AKAP13: variants seen among roughly 807,000 people sequenced by gnomAD.
AKAP13 encodes the protein A-kinase anchor protein 13.
A neutral mutation model predicts 264.5 loss-of-function variants in AKAP13; 80 were observed. The observed-to-expected ratio is 0.30, with a 90% CI of 0.25 to 0.36. The LOEUF (loss-of-function observed/expected upper bound fraction) is 0.36, where lower values mean the gene tolerates loss of function less well. Ranked by LOEUF, AKAP13 falls within the 10% of genes least tolerant of loss-of-function variation. The pLI, the probability that AKAP13 is intolerant of heterozygous loss-of-function variation, is 1.00. For synonymous variants in AKAP13, 1,380 were observed against 1,250.2 expected, an observed-to-expected ratio of 1.10 and a Z score of -2.19; for missense variants, 3,712 against 3,435.2, an observed-to-expected ratio of 1.08 and a Z score of -2.01.
intron 35 of AKAP13, among the ~76,000 whole-genome samples, chr15:85,741,873 C>T (rs564407624): frequency 2.6e-5 from 4 of 152,164 alleles, no homozygotes; most frequent in South Asian, 4.1e-4. Context: ...GGCGAAACGG[C>T]GTCTCTACTA....
Position 85,579,943 on chromosome 15 carries a change from GGAA to G in AKAP13, c.1881_1883del (p.Glu627del). 1.9e-6 allele frequency: 3 copies of G among 1,614,166 alleles called. No homozygotes were observed. The highest frequency in any genetic ancestry group is 2.5e-6 in the Non-Finnish European group (3 of 1,179,994). On this transcript the variant is annotated inframe_deletion, in exon 7 of 37. Transcript: ENST00000394518. ...CCTCAGATTTAGCCCTTCTTGGGCT[GGAA>G]GAAGATGTAATGCCACACCAGAACT...
intron 1 of AKAP13, among the ~76,000 whole-genome samples, chr15:85,433,858 T>C (rs2073135457): frequency 6.6e-6 from 1 of 152,054 alleles, no homozygotes; most frequent in South Asian, 2.1e-4. Flanking sequence ...GGAGAATCAC[T>C]TGAACCCGGG....
chr15:85,653,258 C>G (rs941576759), intron 10 of AKAP13, among the ~76,000 whole-genome samples: 2 of 152,148 alleles, frequency 1.3e-5, no homozygotes, highest in Admixed American at 1.3e-4. Context: ...ACTTTGATAT[C>G]TTGTTCTTAC....
At chr15:85,555,700 T>C (rs985667776) in intron 5 of AKAP13, among the ~76,000 whole-genome samples, 2 of 152,228 alleles carry the variant, frequency 1.3e-5, no homozygotes, top group Non-Finnish European at 2.9e-5. Context: ...CCCATTGTTT[T>C]CTTGCGCATG....
chr15:85,485,484 T>C (rs1415154853), intron 1 of AKAP13, among the ~76,000 whole-genome samples: 1 of 152,236 alleles, frequency 6.6e-6, no homozygotes, highest in African/African-American at 2.4e-5. Context: ...TATTTTTCAA[T>C]CGGAAGATCT....
intron 1 of AKAP13, among the ~76,000 whole-genome samples, chr15:85,422,054 G>C (rs2150902123): frequency 6.6e-6 from 1 of 152,342 alleles, no homozygotes; most frequent in African/African-American, 2.4e-5. Flanking sequence ...GAATAGTACA[G>C]ATGATGGTGG....
At chr15:85,584,314 G>A (rs943900027) in intron 7 of AKAP13, among the ~76,000 whole-genome samples, 2 of 152,134 alleles carry the variant, frequency 1.3e-5, no homozygotes, top group Non-Finnish European at 2.9e-5. Context: ...AGAGGCTGCC[G>A]ACACCCGTCA....
Position 85,730,553 on chromosome 15 carries a change from G to A in AKAP13, c.7128G>A (p.Leu2376=). The A allele has an allele frequency of 6.2e-7, 1 of 1,614,074 alleles. No homozygotes were observed. The highest frequency in any genetic ancestry group is 2.2e-5 in the East Asian group (1 of 44,884). ...HQKDQKILLL[L]EEKEMIFRDM... Reference sequence around the variant, plus strand: ...AGGACCAAAAAATCCTACTCTTGTTGGAAGAGAAGGAGATGATTTTCCGGG... The same window carrying A: ...AGGACCAAAAAATCCTACTCTTGTTAGAAGAGAAGGAGATGATTTTCCGGG... The change falls in exon 30 of 37, where the codon TTG becomes TTA. Residue 2376 remains leucine, a synonymous_variant. Coordinates refer to ENST00000394518, the MANE Select transcript of AKAP13 (RefSeq NM_007200.5).
chr15:85,453,814 G>T (rs1285226694), intron 1 of AKAP13, among the ~76,000 whole-genome samples: 3 of 151,488 alleles, frequency 2.0e-5, no homozygotes, highest in Non-Finnish European at 4.4e-5. Flanking sequence ...GAGAGCTTGG[G>T]TGGGGGTGGC....
chr15:85,497,515 T>C (rs944367508), intron 2 of AKAP13, among the ~76,000 whole-genome samples: 4 of 152,106 alleles, frequency 2.6e-5, no homozygotes, highest in African/African-American at 9.7e-5. Flanking sequence ...GAGTAAGGCA[T>C]GGAAGAGTGT....
At chr15:85,555,454 A>G (rs973288186) in intron 5 of AKAP13, 9 of 1,289,048 alleles carry the variant, frequency 7.0e-6, no homozygotes, top group Non-Finnish European at 9.1e-6. Context: ...CTAAAAGAGG[A>G]TGGGCTTGCG....
intron 26 of AKAP13, among the ~76,000 whole-genome samples, chr15:85,723,808 C>T (rs1597180840): frequency 6.6e-6 from 1 of 152,134 alleles, no homozygotes; most frequent in Non-Finnish European, 1.5e-5. Context: ...TTAAGTTTAA[C>T]CCACATCAAT....
At chr15:85,720,260 CTGTGTGTGTGTGTGTGTGTGTGTG>C (rs71141479) in intron 23 of AKAP13, among the ~76,000 whole-genome samples, 22,990 of 150,746 alleles carry the variant, frequency 0.15, 2,203 homozygotes, top group Non-Finnish European at 0.22. Flanking sequence ...AAAACAAACT[CTGTGTGTGTGTGTGTGTGTGTGTG>C]TGTGTGTTGG....
chr15:85,718,093 A>C lies in AKAP13; in HGVS notation c.5935A>C (p.Ile1979Leu), dbSNP rs2087056899. Residue 1979 changes from isoleucine (I) to leucine (L), a missense_variant, in exon 22 of 37, where the codon ATA becomes CTA. Physicochemically the swap from Ile to Leu is conservative, Grantham distance 5. Transcript: ENST00000394518. This position sits in a 1 kb window ranked among gnomAD's most constrained non-coding sequence, Gnocchi z 4.9. ...GCTGGAAGCAGAGTCTTGGAGTCGG[A>C]TAATAGACAGCAAGTTTCTAAAACA... is the stretch of plus-strand genomic sequence containing the variant. ...KQLEAESWSR[I>L]IDSKFLKQQK... 1 of 1,614,094 alleles carries C rather than the reference A, an allele frequency of 6.2e-7. No homozygotes were observed. Among genetic ancestry groups the C allele is most frequent in the African/African-American group, 1.3e-5 (1 of 74,940 alleles).
rs751538813 is a variant in AKAP13 at position 85,613,691 on chromosome 15, AATAT to A, written c.4162-25664_4162-25661del. 8.4e-4 allele frequency among the ~76,000 whole-genome samples: 77 copies of A among 91,960 alleles called. 2 individuals are homozygous for A. Among genetic ancestry groups the A allele is most frequent in the South Asian group, 6.2e-3 (17 of 2,748 alleles). 60.3% of individuals were successfully genotyped at this position (91,960 alleles called of 152,430 possible). A position where few individuals can be genotyped will look rare whatever the true frequency, so the allele number is the denominator to read the frequency against. ...GCCAGACTCCGTCTAAAAAAAAAAA[AATAT>A]ATATATATATATATATATTAGGAGT... On this transcript the variant is annotated intron_variant, in intron 8 of 36. Transcript: ENST00000394518.
At chr15:85,608,544 A>C (rs888110770) in intron 8 of AKAP13, among the ~76,000 whole-genome samples, 4 of 152,248 alleles carry the variant, frequency 2.6e-5, no homozygotes, top group South Asian at 2.1e-4. Flanking sequence ...TAGAGTCAGC[A>C]AGGCAGAGTC....
chr15:85,730,445 CGT>C, intron 29 of AKAP13, 66 bp from the exon 30 acceptor site: 2 of 1,514,280 alleles, frequency 1.3e-6, no homozygotes, highest in African/African-American at 1.4e-5. Context: ...AGGTGGTGCT[CGT>C]GTCTTAGTCA....
Position 85,645,833 on chromosome 15 carries a change from T to G in AKAP13, c.4253T>G (p.Leu1418Arg). Residue 1418 changes from leucine to arginine, a missense_variant, in exon 10 of 37, where the codon CTG becomes CGG. Physicochemically the swap from Leu to Arg is moderately radical, Grantham distance 102. Around this residue, in one of 3 missense-constraint regions of AKAP13, gnomAD observed 2,759 missense variants for 2,411.7 expected, o/e 1.14. Transcript: ENST00000394518. Reference protein sequence around the residue: ...SKQSPECENFLDVGLGRECTS... With the variant: ...SKQSPECENFRDVGLGRECTS... ...TCTTTTTCAGAATGTGAGAACTTCC[T>G]GGATGTTGGACTGGGCAGAGAGTGT... 6.2e-7 allele frequency: 1 copy of G among 1,606,752 alleles called. No individual in the cohort carries two copies.
intron 2 of AKAP13, among the ~76,000 whole-genome samples, chr15:85,498,226 A>ATATATATATATATC (rs1567088692): frequency 7.7e-6 from 1 of 130,398 alleles, no homozygotes; most frequent in Admixed American, 7.6e-5. Flanking sequence ...ATATATATAT[A>ATATATATATATATC]TCACATTGAG....
Sources: gnomAD v4.1 joint callset for allele counts (sites outside exome capture counted in the v4.1 genomes callset) on GRCh38, gnomAD v4.1.1 for gene constraint, gnomAD v4.1.1 regional missense constraint, Gnocchi (gnomAD v3.1) non-coding constraint, MANE v1.5 for transcripts, NCBI Gene and HGNC (gene_info 2026-07-23, HGNC 2026-07-21) for gene names.